The following CPNE8 variants were observed in gnomAD, a reference collection of about 807,000 sequenced individuals.
CPNE8 encodes the protein copine 8.
CPNE8 carries 45 observed loss-of-function variants against 81.5 expected under a neutral mutation model. The observed-to-expected ratio is 0.55, with a 90% CI of 0.44 to 0.71. The LOEUF is 0.71. Ranked by LOEUF, CPNE8 falls within the 30% of genes least tolerant of loss-of-function variation. The pLI is 0.00. For missense variants in CPNE8, 594 were observed against 672.1 expected (o/e 0.88, Z 1.28); for synonymous variants, 252 against 226.3 (o/e 1.11, Z -1.02).
chr12:38,786,667 A>C (rs764441164), intron 6 of CPNE8, among the ~76,000 whole-genome samples: 24 of 152,182 alleles, frequency 1.6e-4, no homozygotes, highest in Non-Finnish European at 2.9e-4. Context: ...GCAAATGGAA[A>C]CCAAATAAGA....
intron 19 of CPNE8, among the ~76,000 whole-genome samples, chr12:38,666,533 C>T (rs531703456): frequency 5.9e-5 from 9 of 152,066 alleles, no homozygotes; most frequent in African/African-American, 1.7e-4. Context: ...ACAGGCTATA[C>T]GTGGAGAAAT....
chr12:38,780,912 G>A (rs1237007531), intron 6 of CPNE8, among the ~76,000 whole-genome samples: 1 of 151,866 alleles, frequency 6.6e-6, no homozygotes, highest in Non-Finnish European at 1.5e-5. Flanking sequence ...AAAAAAGAAA[G>A]AAGGAGAGAA....
At chr12:38,815,460 A>G (rs1943009624) in intron 6 of CPNE8, among the ~76,000 whole-genome samples, 1 of 152,238 alleles carries the variant, frequency 6.6e-6, no homozygotes, top group African/African-American at 2.4e-5. Context: ...TCAACTAAAA[A>G]TAAAAGATGC....
At chr12:38,838,678 C>T (rs190529495) in intron 5 of CPNE8, among the ~76,000 whole-genome samples, 7 of 152,222 alleles carry the variant, frequency 4.6e-5, no homozygotes, top group Admixed American at 6.5e-5. Flanking sequence ...TTATGGAGAG[C>T]AATAAGCTTG....
intron 3 of CPNE8, among the ~76,000 whole-genome samples, chr12:38,851,908 A>G (rs1185203800): frequency 6.6e-6 from 1 of 152,016 alleles, no homozygotes. Context: ...TTTACACACC[A>G]AACCCTTTCT....
At position 38,860,066 on chromosome 12, in the gene CPNE8, C is replaced by T. The variant is rs543613964; in HGVS notation, c.187-11404G>A. 1.4e-4 allele frequency among the ~76,000 whole-genome samples: 21 copies of T among 152,042 alleles called. No individual in the cohort carries two copies. In the South Asian group the frequency reaches 3.9e-3, roughly 29 times the overall value. Reference sequence around the variant, plus strand: ...CAAAAGCAAAATTAGGTGGGATTAACTCAAATTAAAAAGCTTTTCCATGGC... The same window carrying T: ...CAAAAGCAAAATTAGGTGGGATTAATTCAAATTAAAAAGCTTTTCCATGGC... On this transcript the variant is annotated intron_variant, in intron 3 of 19. Transcript: ENST00000331366.
intron 18 of CPNE8, among the ~76,000 whole-genome samples, chr12:38,671,689 T>A (rs1939180550): frequency 6.6e-6 from 1 of 152,090 alleles, no homozygotes; most frequent in African/African-American, 2.4e-5. Flanking sequence ...TCATCACCCA[T>A]CTCCCTGGCC....
At chr12:38,781,274 G>A (rs978895167) in intron 6 of CPNE8, among the ~76,000 whole-genome samples, 2 of 151,900 alleles carry the variant, frequency 1.3e-5, no homozygotes, top group African/African-American at 4.8e-5. Context: ...TCACTAAGTA[G>A]GTAGTAGAAA....
chr12:38,769,694 T>A (rs556922978), intron 7 of CPNE8, among the ~76,000 whole-genome samples: 2 of 152,288 alleles, frequency 1.3e-5, no homozygotes, highest in South Asian at 4.1e-4. Flanking sequence ...ATACTTACAA[T>A]GCATAATAGA....
intron 16 of CPNE8, among the ~76,000 whole-genome samples, chr12:38,681,681 G>A (rs1228744445): frequency 6.6e-6 from 1 of 152,124 alleles, no homozygotes; most frequent in South Asian, 2.1e-4. Context: ...GAATACTCAC[G>A]TAAGGCTGCA....
At chr12:38,793,266 G>T (rs765514840) in intron 6 of CPNE8, among the ~76,000 whole-genome samples, 1 of 143,584 alleles carries the variant, frequency 7.0e-6, no homozygotes, top group Non-Finnish European at 1.5e-5. Context: ...AATTGAAAAT[G>T]AAGAAATAAA....
intron 6 of CPNE8, among the ~76,000 whole-genome samples, chr12:38,806,844 C>G (rs1261125507): frequency 2.7e-5 from 4 of 150,142 alleles, no homozygotes; most frequent in Admixed American, 1.3e-4. Flanking sequence ...GCTGGTATAT[C>G]TAGAAAACCC....
intron 3 of CPNE8, among the ~76,000 whole-genome samples, chr12:38,868,597 A>G (rs1943948423): frequency 6.6e-6 from 1 of 152,186 alleles, no homozygotes; most frequent in Non-Finnish European, 1.5e-5. Flanking sequence ...CAATACTTCC[A>G]GTAACAGTAA....
At position 38,775,762 on chromosome 12, in the gene CPNE8, TGTGG is replaced by T. The variant is rs1443098716; in HGVS notation, c.471+472_471+475del. On this transcript the variant is annotated intron_variant, in intron 7 of 19. Transcript: ENST00000331366. Reference sequence around the variant, plus strand: ...AGTGGCAGCTAATCCTTTCTTCAAATGTGGACTTCCCAAGCTAACAAGAGATGGA... The same window carrying T: ...AGTGGCAGCTAATCCTTTCTTCAAATACTTCCCAAGCTAACAAGAGATGGA... Among the ~76,000 whole-genome samples the T allele has an allele frequency of 3.9e-5, 6 of 152,172 alleles. No individual in the cohort carries two copies. In the East Asian group the frequency reaches 7.7e-4, roughly 20 times the overall value.
At chr12:38,805,918 G>C (rs1592107671) in intron 6 of CPNE8, among the ~76,000 whole-genome samples, 2 of 149,420 alleles carry the variant, frequency 1.3e-5, no homozygotes, top group Admixed American at 1.3e-4. Context: ...TGATAAAGGG[G>C]ATATCACCAC....
intron 3 of CPNE8, among the ~76,000 whole-genome samples, chr12:38,871,979 T>C (rs1436433526): frequency 2.6e-5 from 4 of 152,008 alleles, no homozygotes; most frequent in African/African-American, 9.7e-5. Flanking sequence ...CTACCAAAAA[T>C]ACAAAATTAG....
At chr12:38,850,381 T>G (rs1274546013) in intron 3 of CPNE8, among the ~76,000 whole-genome samples, 1 of 152,192 alleles carries the variant, frequency 6.6e-6, no homozygotes, top group Non-Finnish European at 1.5e-5. Context: ...CCCATTGAGG[T>G]GCAGCCAGCA....
At chr12:38,694,916 C>T (rs1939759602) in intron 14 of CPNE8, among the ~76,000 whole-genome samples, 1 of 152,168 alleles carries the variant, frequency 6.6e-6, no homozygotes, top group Non-Finnish European at 1.5e-5. Flanking sequence ...ATAAAGATCT[C>T]CCCTTGGGTT....
intron 10 of CPNE8, among the ~76,000 whole-genome samples, chr12:38,741,236 C>T (rs1315148718): frequency 6.6e-6 from 1 of 152,086 alleles, no homozygotes; most frequent in South Asian, 2.1e-4. Context: ...CAATCCTAAG[C>T]CAAAAGAACA....
Sources: allele counts gnomAD v4.1 joint callset (sites outside exome capture counted in the v4.1 genomes callset), GRCh38; gene constraint gnomAD v4.1.1; transcripts MANE v1.5; gene names NCBI Gene and HGNC (gene_info 2026-07-23, HGNC 2026-07-21).